Variants in OCA2 observed in about 807,000 individuals in gnomAD.
OCA2 encodes the protein P protein.
In OCA2, 77 loss-of-function variants were observed where a neutral mutation model predicts 100.2. The ratio of observed to expected loss-of-function variants is 0.77; its 90% CI spans 0.64 to 0.93. The LOEUF (loss-of-function observed/expected upper bound fraction) is 0.93, where lower values mean the gene tolerates loss of function less well. Among genes scored for constraint, OCA2 ranks in the 40% least tolerant of loss-of-function variants. The pLI, the probability that OCA2 is intolerant of heterozygous loss-of-function variation, is 0.00. For missense variants in OCA2, 1,062 were observed against 1,089.1 expected (o/e 0.98, Z 0.35); for synonymous variants, 432 against 439.2 (o/e 0.98, Z 0.21).
intron 19 of OCA2, among the ~76,000 whole-genome samples, chr15:27,878,200 C>T (rs576231382): frequency 1.7e-4 from 26 of 152,018 alleles, no homozygotes; most frequent in Admixed American, 1.7e-3. Context: ...AAAACTCCCA[C>T]CAGACAATAT....
intron 19 of OCA2, among the ~76,000 whole-genome samples, chr15:27,922,212 A>T (rs928611109): frequency 6.6e-6 from 1 of 152,232 alleles, no homozygotes; most frequent in Non-Finnish European, 1.5e-5. Context: ...TCTTTAGAGC[A>T]CTTCCAGCAT....
At chr15:28,040,999 A>G (rs1310843222) in intron 2 of OCA2, among the ~76,000 whole-genome samples, 1 of 152,176 alleles carries the variant, frequency 6.6e-6, no homozygotes, top group Non-Finnish European at 1.5e-5. Flanking sequence ...TTCCTAACTT[A>G]TTCTATGAGG....
intron 3 of OCA2, among the ~76,000 whole-genome samples, chr15:28,030,925 T>G (rs572901415): frequency 1.3e-5 from 2 of 152,344 alleles, no homozygotes; most frequent in East Asian, 1.9e-4. Context: ...CTACATTGTT[T>G]TGTAAAATGT....
chr15:28,001,918 G>A (rs2041940171), intron 9 of OCA2, among the ~76,000 whole-genome samples: 1 of 152,198 alleles, frequency 6.6e-6, no homozygotes. Flanking sequence ...TTCCAGCTAG[G>A]CGACCTGGAG....
chr15:27,814,947 CAG>C (rs140858755), intron 23 of OCA2, among the ~76,000 whole-genome samples: 6 of 101,386 alleles, frequency 5.9e-5, no homozygotes, highest in Admixed American at 1.0e-4. Flanking sequence ...TAGATAGATA[CAG>C]AGATATATAT....
intron 9 of OCA2, among the ~76,000 whole-genome samples, chr15:27,998,759 T>C (rs1421377034): frequency 2.6e-4 from 39 of 147,508 alleles, no homozygotes; most frequent in African/African-American, 9.0e-4. Flanking sequence ...TGTATGTTTA[T>C]TGCGGCACTA....
At chr15:28,057,395 G>A (rs1438907123) in intron 2 of OCA2, among the ~76,000 whole-genome samples, 4 of 152,010 alleles carry the variant, frequency 2.6e-5, no homozygotes, top group Non-Finnish European at 4.4e-5. Flanking sequence ...CATAATAGCA[G>A]CTCTCTATGG....
At chr15:28,082,017 CT>C (rs2044650807) in intron 1 of OCA2, 122 bp from the exon 2 acceptor site, 2 of 801,760 alleles carry the variant, frequency 2.5e-6, no homozygotes, top group Admixed American at 4.2e-5. Context: ...TTCCAGCATC[CT>C]AACCACGCAA....
chr15:27,827,987 T>C (rs550358550), intron 23 of OCA2, among the ~76,000 whole-genome samples: 5 of 152,322 alleles, frequency 3.3e-5, no homozygotes, highest in Admixed American at 2.0e-4. Context: ...TCTATAATTA[T>C]AAATAGATTT....
At chr15:27,774,848 G>A (rs940847263) in intron 23 of OCA2, among the ~76,000 whole-genome samples, 2 of 152,154 alleles carry the variant, frequency 1.3e-5, no homozygotes, top group African/African-American at 2.4e-5. Context: ...CGCAGGCCAC[G>A]AGAGAGGCTC....
At chr15:28,050,844 A>T (rs992194583) in intron 2 of OCA2, among the ~76,000 whole-genome samples, 28 of 152,240 alleles carry the variant, frequency 1.8e-4, no homozygotes, top group African/African-American at 5.5e-4. Flanking sequence ...CTGAGAAGTC[A>T]GTACTACTCT....
chr15:27,896,460 C>T, intron 19 of OCA2: 4 of 622,514 alleles, frequency 6.4e-6, no homozygotes, highest in East Asian at 5.7e-5. Flanking sequence ...GGAGAAGAAG[C>T]CCAAGAAAAA....
the OCA2 span, among the ~76,000 whole-genome samples, chr15:27,740,351 C>T: frequency 6.6e-6 from 1 of 152,022 alleles, no homozygotes; most frequent in Non-Finnish European, 1.5e-5. Context: ...AGAGGCCAGC[C>T]CCCGTGCCCG....
At chr15:27,948,007 C>G (rs1431655781) in intron 18 of OCA2, among the ~76,000 whole-genome samples, 1 of 152,136 alleles carries the variant, frequency 6.6e-6, no homozygotes, top group Non-Finnish European at 1.5e-5. Context: ...GCAATGAGAA[C>G]TTTGTTCGTG....
intron 23 of OCA2, among the ~76,000 whole-genome samples, chr15:27,840,756 T>C (rs1248307846): frequency 6.6e-6 from 1 of 152,156 alleles, no homozygotes; most frequent in East Asian, 1.9e-4. Context: ...TCACACCTTA[T>C]ATGAAACTTA....
chr15:28,053,016 T>A (rs2043565154), intron 2 of OCA2, among the ~76,000 whole-genome samples: 1 of 152,178 alleles, frequency 6.6e-6, no homozygotes. Context: ...CTGAGGTGGG[T>A]CTTCAAGGCA....
chr15:27,852,703 A>G (rs2035798254), intron 21 of OCA2, among the ~76,000 whole-genome samples: 1 of 151,136 alleles, frequency 6.6e-6, no homozygotes, highest in African/African-American at 2.4e-5. Flanking sequence ...CAGAATCTAC[A>G]ATGAACTCCA....
At chr15:28,039,384 T>C (rs2141446703) in intron 2 of OCA2, among the ~76,000 whole-genome samples, 1 of 152,342 alleles carries the variant, frequency 6.6e-6, no homozygotes, top group Non-Finnish European at 1.5e-5. Flanking sequence ...TTTTCCAGAA[T>C]AGACCATATG....
Position 27,926,169 on chromosome 15 carries a change from C to G in OCA2, c.2037G>C (p.Trp679Cys), listed in dbSNP as rs121918169. 102 of 1,613,984 alleles carry G rather than the reference C, an allele frequency of 6.3e-5. No homozygotes were observed. Among genetic ancestry groups the G allele is most frequent in the Non-Finnish European group, 6.7e-5 (79 of 1,179,994 alleles). Residue 679 changes from tryptophan (W) to cysteine (C), a missense_variant, in exon 19 of 24, where the codon TGG becomes TGC. Trp to Cys is a radical substitution (Grantham distance 215, BLOSUM62 -2). Coordinates refer to ENST00000354638, the MANE Select transcript of OCA2 (RefSeq NM_000275.3). ...DFEIILHRVE[W>C]ATLLFFAALF... The stretch of plus-strand genomic sequence containing the variant: ...GCGCTGCAAAAAACAGAAGGGTTGC[C>G]CATTCCACTCTGTGTAGAATTATCT...
Sources: allele counts gnomAD v4.1 joint callset (sites outside exome capture counted in the v4.1 genomes callset), GRCh38; gene constraint gnomAD v4.1.1; transcripts MANE v1.5; gene names NCBI Gene and HGNC (gene_info 2026-07-23, HGNC 2026-07-21).